The following LARGE1 variants were observed in gnomAD, a reference collection of about 807,000 sequenced individuals.
LARGE1 encodes xylosyl- and glucuronyltransferase LARGE1.
A neutral mutation model predicts 87.6 loss-of-function variants in LARGE1; 43 were observed. The observed-to-expected ratio is 0.49, with a 90% CI of 0.38 to 0.63. The LOEUF is 0.63. LARGE1 is among the 30% of genes least tolerant of loss of function. LARGE1 has a pLI of 0.00. For missense variants in LARGE1, 802 were observed against 1,000.2 expected (o/e 0.80, Z 2.67); for synonymous variants, 434 against 394.6 (o/e 1.10, Z -1.18).
chr22:33,304,556 T>C, intron 11 of LARGE1, 49 bp from the exon 12 acceptor site: 1 of 1,511,898 alleles, frequency 6.6e-7, no homozygotes, highest in Admixed American at 2.0e-5. Context: ...CATCCATGCA[T>C]CATCCGCCGG....
At chr22:33,080,961 C>T in the LARGE1 span, among the ~76,000 whole-genome samples, 2 of 149,388 alleles carry the variant, frequency 1.3e-5, no homozygotes, top group Admixed American at 6.7e-5. Flanking sequence ...TTCCATCCAT[C>T]CATCCATCCA....
chr22:33,837,234 T>C (rs946506916), intron 1 of LARGE1, among the ~76,000 whole-genome samples: 2 of 146,696 alleles, frequency 1.4e-5, no homozygotes, highest in Non-Finnish European at 3.0e-5. Flanking sequence ...TATATATATA[T>C]ATGGAGTAGA....
chr22:33,173,522 C>T (rs1452871265), intron 11 of LARGE1, among the ~76,000 whole-genome samples: 1 of 151,990 alleles, frequency 6.6e-6, no homozygotes, highest in Non-Finnish European at 1.5e-5. Context: ...GGACTAAATG[C>T]CCCAATTAAA....
intron 6 of LARGE1, among the ~76,000 whole-genome samples, chr22:33,458,438 T>G (rs953693070): frequency 6.6e-6 from 1 of 150,540 alleles, no homozygotes; most frequent in Non-Finnish European, 1.5e-5. Flanking sequence ...TTTTTATTTT[T>G]TTATTTTTTT....
intron 6 of LARGE1, among the ~76,000 whole-genome samples, chr22:33,510,143 T>A (rs1021066155): frequency 8.5e-5 from 13 of 152,196 alleles, no homozygotes; most frequent in Non-Finnish European, 7.3e-5. Flanking sequence ...GAGTTAGGGA[T>A]GTAAACACAA....
intron 6 of LARGE1, among the ~76,000 whole-genome samples, chr22:33,530,958 C>T (rs2072168684): frequency 6.6e-6 from 1 of 152,192 alleles, no homozygotes; most frequent in African/African-American, 2.4e-5. Flanking sequence ...ACTCTCTACC[C>T]AGTCATTCAA....
At chr22:33,497,954 C>T (rs1187478902) in intron 6 of LARGE1, among the ~76,000 whole-genome samples, 2 of 152,188 alleles carry the variant, frequency 1.3e-5, no homozygotes, top group Non-Finnish European at 2.9e-5. Flanking sequence ...ATCATCTCGG[C>T]TCACTGCAAC....
intron 4 of LARGE1, among the ~76,000 whole-genome samples, chr22:33,605,868 G>A (rs1200071188): frequency 6.6e-6 from 1 of 152,194 alleles, no homozygotes; most frequent in Non-Finnish European, 1.5e-5. Flanking sequence ...AGTTCCACGG[G>A]AGTAAGAGCA....
intron 11 of LARGE1, among the ~76,000 whole-genome samples, chr22:33,314,018 C>G (rs1265544743): frequency 6.6e-6 from 1 of 152,160 alleles, no homozygotes; most frequent in Non-Finnish European, 1.5e-5. Context: ...ACACATATTC[C>G]CCTCCCACTA....
At chr22:33,553,420 G>A (rs987118871) in intron 6 of LARGE1, among the ~76,000 whole-genome samples, 2 of 152,054 alleles carry the variant, frequency 1.3e-5, no homozygotes, top group East Asian at 1.9e-4. Context: ...GGAAACTGAG[G>A]TGGGAGAATC....
chr22:33,720,201 T>C (rs1031591057), intron 2 of LARGE1, among the ~76,000 whole-genome samples: 5 of 152,138 alleles, frequency 3.3e-5, no homozygotes, highest in Non-Finnish European at 7.4e-5. Context: ...CTGGGGGTGA[T>C]GGGAGACAGT....
In LARGE1 at chr22:33,719,064, C is replaced by T. The variant is rs148916610; in HGVS notation, c.106+42307G>A. Among the ~76,000 whole-genome samples, 65 of 152,266 alleles carry T rather than the reference C, an allele frequency of 4.3e-4. 1 individual carries two copies. Among genetic ancestry groups the T allele is most frequent in the African/African-American group, 1.5e-3 (61 of 41,552 alleles). ...TCAGCCTCCCAAAGTGCTGGGATTA[C>T]AGCCATGAGCCACCACACCCGGCTG... On this transcript the variant is annotated intron_variant, in intron 2 of 14. Coordinates refer to ENST00000397394, the MANE Select transcript of LARGE1 (RefSeq NM_133642.5).
intron 6 of LARGE1, among the ~76,000 whole-genome samples, chr22:33,543,909 C>A (rs2148656663): frequency 6.6e-6 from 1 of 152,322 alleles, no homozygotes; most frequent in East Asian, 1.9e-4. Flanking sequence ...TCCTGCTATT[C>A]TCTAAGAGCT....
intron 1 of LARGE1, among the ~76,000 whole-genome samples, chr22:33,806,924 C>T (rs768757057): frequency 1.3e-5 from 2 of 152,108 alleles, no homozygotes; most frequent in Non-Finnish European, 2.9e-5. Context: ...GCAGGAGAAT[C>T]GCTTGAACCT....
chr22:33,792,784 T>TTC, intron 1 of LARGE1, among the ~76,000 whole-genome samples: 1 of 152,266 alleles, frequency 6.6e-6, no homozygotes, highest in Admixed American at 6.5e-5. Context: ...ACACCCTCCT[T>TTC]TCTCTCCCCC....
chr22:33,698,215 G>GTAGCTGA (rs2082308438), intron 2 of LARGE1, among the ~76,000 whole-genome samples: 1 of 152,032 alleles, frequency 6.6e-6, no homozygotes, highest in Non-Finnish European at 1.5e-5. Flanking sequence ...TGAGAGTACA[G>GTAGCTGA]GAGCACGCCA....
At chr22:33,631,445 A>T (rs1334617353) in intron 3 of LARGE1, among the ~76,000 whole-genome samples, 3 of 152,238 alleles carry the variant, frequency 2.0e-5, no homozygotes, top group Non-Finnish European at 2.9e-5. Flanking sequence ...TGTTTTAAAA[A>T]TTATTTATTT....
chr22:33,231,474 T>C (rs1926002778), intron 11 of LARGE1, among the ~76,000 whole-genome samples: 1 of 152,246 alleles, frequency 6.6e-6, no homozygotes, highest in Non-Finnish European at 1.5e-5. Context: ...AATTGAAATG[T>C]GTTTGATACA....
chr22:33,204,315 T>TA, intron 11 of LARGE1, among the ~76,000 whole-genome samples: 1 of 152,270 alleles, frequency 6.6e-6, no homozygotes, highest in Admixed American at 6.5e-5. Flanking sequence ...TAATAATGGT[T>TA]ATTATGTCAG....
Sources: gnomAD v4.1 joint callset for allele counts (sites outside exome capture counted in the v4.1 genomes callset) on GRCh38, gnomAD v4.1.1 for gene constraint, MANE v1.5 for transcripts, NCBI Gene and HGNC (gene_info 2026-07-23, HGNC 2026-07-21) for gene names.